The following PCSK5 variants were observed in gnomAD, a reference collection of about 807,000 sequenced individuals.
PCSK5 encodes the protein prohormone convertase 5.
A neutral mutation model predicts 233.2 loss-of-function variants in PCSK5; 129 were observed. The observed-to-expected ratio is 0.55, with a 90% confidence interval of 0.48 to 0.64. The LOEUF (loss-of-function observed/expected upper bound fraction) is 0.64, where lower values mean the gene tolerates loss of function less well. Ranked by LOEUF, PCSK5 falls within the 30% of genes least tolerant of loss-of-function variation. The pLI is 0.00. For synonymous variants in PCSK5, 825 were observed against 879.2 expected (o/e 0.94, Z 1.09); for missense variants, 2,076 against 2,430.1 (o/e 0.85, Z 3.06).
intron 10 of PCSK5, among the ~76,000 whole-genome samples, chr9:76,146,780 AAG>A (rs898480073): frequency 8.9e-4 from 135 of 152,272 alleles, no homozygotes; most frequent in African/African-American, 3.1e-3. Context: ...ATATAGTAGA[AAG>A]AAATTCTGAA....
intron 3 of PCSK5, among the ~76,000 whole-genome samples, chr9:76,008,649 A>T (rs1827588375): frequency 1.3e-5 from 2 of 152,012 alleles, no homozygotes; most frequent in Non-Finnish European, 2.9e-5. Flanking sequence ...TTTAGTAGAG[A>T]CAGGGTTTCA....
At chr9:76,335,750 T>C (rs992379170) in intron 34 of PCSK5, among the ~76,000 whole-genome samples, 2 of 152,210 alleles carry the variant, frequency 1.3e-5, no homozygotes, top group Non-Finnish European at 2.9e-5. Flanking sequence ...TAACAATCTA[T>C]AATAAAAACA....
At chr9:75,952,983 A>G (rs1286606801) in intron 2 of PCSK5, among the ~76,000 whole-genome samples, 1 of 152,180 alleles carries the variant, frequency 6.6e-6, no homozygotes, top group Non-Finnish European at 1.5e-5. Flanking sequence ...GAACTCTGTG[A>G]TTTGGAGAAA....
At chr9:76,257,710 C>T in intron 24 of PCSK5, among the ~76,000 whole-genome samples, 1 of 152,122 alleles carries the variant, frequency 6.6e-6, no homozygotes, top group East Asian at 1.9e-4. Flanking sequence ...CTGGACAGGG[C>T]CATGCCTCAC....
Position 76,362,787 on chromosome 9 carries a change from C to T in PCSK5, c.*3865C>T, listed in dbSNP as rs894564252. 6.6e-6 allele frequency among the ~76,000 whole-genome samples: 1 copy of T among 152,190 alleles called. No homozygotes were observed. The highest frequency in any genetic ancestry group is 2.4e-5 in the African/African-American group (1 of 41,460). ...AATCCCTGTCCTGTGCTGTTTCGTTCTGATTACTGGTGCATGCAGTCCCCA... is the reference window on the plus strand; with the variant it reads ...AATCCCTGTCCTGTGCTGTTTCGTTTTGATTACTGGTGCATGCAGTCCCCA... On this transcript the variant is annotated 3_prime_UTR_variant, in exon 38 of 38. Coordinates refer to ENST00000674117, the MANE Select transcript of PCSK5 (RefSeq NM_001372043.1).
rs564866993 is a variant in PCSK5, at chr9:75,909,585, C to T, written c.192+18212C>T. Reference sequence around the variant, plus strand: ...TGGTGGGTGCCTGTAATTCCAGCTACTTGGGAGGCTGAGGCAGGAGAATTG... The same window carrying T: ...TGGTGGGTGCCTGTAATTCCAGCTATTTGGGAGGCTGAGGCAGGAGAATTG... On this transcript the variant is annotated intron_variant, in intron 1 of 37. Coordinates refer to ENST00000674117, the MANE Select transcript of PCSK5 (RefSeq NM_001372043.1). Among the ~76,000 whole-genome samples, 408 of 151,340 alleles carry T rather than the reference C, an allele frequency of 2.7e-3. 1 individual carries two copies. The highest frequency in any genetic ancestry group is 4.3e-3 in the Admixed American group (65 of 15,212).
chr9:76,139,212 A>G (rs967150524), intron 10 of PCSK5, among the ~76,000 whole-genome samples: 6 of 152,096 alleles, frequency 3.9e-5, no homozygotes, highest in Non-Finnish European at 7.4e-5. Flanking sequence ...GAAACCATTA[A>G]GCATGCTGTG....
intron 3 of PCSK5, among the ~76,000 whole-genome samples, chr9:76,005,517 A>G (rs186007115): frequency 6.6e-6 from 1 of 152,258 alleles, no homozygotes; most frequent in African/African-American, 2.4e-5. Context: ...TAGTTCATAG[A>G]GATCTTTATT....
At chr9:76,056,936 T>C (rs1044347897) in intron 5 of PCSK5, among the ~76,000 whole-genome samples, 6 of 152,212 alleles carry the variant, frequency 3.9e-5, no homozygotes, top group Non-Finnish European at 8.8e-5. Context: ...AATATGCATC[T>C]TAGTAATATT....
intron 7 of PCSK5, among the ~76,000 whole-genome samples, chr9:76,093,326 C>T (rs1310662477): frequency 1.3e-5 from 2 of 151,936 alleles, no homozygotes; most frequent in African/African-American, 4.8e-5. Context: ...AACTCCTGGA[C>T]TCAGATGATC....
chr9:76,111,326 T>G (rs10869699), intron 9 of PCSK5, among the ~76,000 whole-genome samples: 14,368 of 152,230 alleles, frequency 0.094, 1,079 homozygotes, highest in East Asian at 0.36. Context: ...TACCTTTTTT[T>G]CCTGGGTTGG....
chr9:76,170,779 T>C (rs1823298091), intron 13 of PCSK5, among the ~76,000 whole-genome samples: 1 of 152,192 alleles, frequency 6.6e-6, no homozygotes, highest in South Asian at 2.1e-4. Context: ...AGCATTCAGA[T>C]ACAGCTAGCT....
chr9:75,938,977 G>T (rs2131297126), intron 2 of PCSK5, among the ~76,000 whole-genome samples: 1 of 152,336 alleles, frequency 6.6e-6, no homozygotes, highest in African/African-American at 2.4e-5. Context: ...TGAGTGAATT[G>T]TAGGGGATAC....
At chr9:76,036,498 A>G (rs1828865060) in intron 5 of PCSK5, among the ~76,000 whole-genome samples, 1 of 152,184 alleles carries the variant, frequency 6.6e-6, no homozygotes, top group South Asian at 2.1e-4. Context: ...TATGTCTGTG[A>G]CGTTGGAGAA....
At position 76,354,025 on chromosome 9, in the gene PCSK5, C is replaced by T. The variant is rs1398148005; in HGVS notation, c.5068-8C>T. On this transcript the variant is annotated splice_polypyrimidine_tract_variant and splice_region_variant and intron_variant, in intron 36 of 37. Transcript: ENST00000674117. ...ACTCAAAAGGAACCTCTTGATTGCTCTTAACAGGGAGAGAAGTTTAACTGT... is the reference window on the plus strand; with the variant it reads ...ACTCAAAAGGAACCTCTTGATTGCTTTTAACAGGGAGAGAAGTTTAACTGT... The T allele has an allele frequency of 1.2e-6, 2 of 1,601,296 alleles. No individual in the cohort carries two copies. Among genetic ancestry groups the T allele is most frequent in the South Asian group, 1.1e-5 (1 of 88,606 alleles).
chr9:76,322,345 A>G (rs983386566), intron 31 of PCSK5, among the ~76,000 whole-genome samples: 1 of 152,206 alleles, frequency 6.6e-6, no homozygotes. Flanking sequence ...AAGGATAGGA[A>G]AGAAAAGTTC....
chr9:76,089,933 A>G (rs1831217260), intron 7 of PCSK5, among the ~76,000 whole-genome samples: 2 of 152,214 alleles, frequency 1.3e-5, no homozygotes, highest in Non-Finnish European at 2.9e-5. Flanking sequence ...TGATTTTCAT[A>G]GGGCATTCTT....
rs1829202579 is a variant in PCSK5, at chr9:76,321,518, C to T, written c.3981C>T (p.Gly1327=). 3.7e-6 allele frequency: 6 copies of T among 1,611,652 alleles called. No individual in the cohort carries two copies. The South Asian group carries it at 5.5e-5, about 15-fold the overall frequency. The change falls in exon 31 of 38, where the codon GGC becomes GGT. Residue 1327 remains glycine (G), a synonymous_variant. Transcript: ENST00000674117. ...NATNCHSCEG[G]HVLHHGVCQE... ...CCAACTGCCATTCTTGTGAAGGAGG[C>T]CACGTCCTGCACCACGGAGTGTGCC... is the stretch of plus-strand genomic sequence containing the variant.
intron 24 of PCSK5, among the ~76,000 whole-genome samples, chr9:76,265,706 GT>G (rs1174535665): frequency 6.6e-6 from 1 of 152,100 alleles, no homozygotes; most frequent in African/African-American, 2.4e-5. Flanking sequence ...ACACTGAAAT[GT>G]TTATGGGTAA....
Sources: gnomAD v4.1 joint callset for allele counts (sites outside exome capture counted in the v4.1 genomes callset) on GRCh38, gnomAD v4.1.1 for gene constraint, MANE v1.5 for transcripts, NCBI Gene and HGNC (gene_info 2026-07-23, HGNC 2026-07-21) for gene names.